The following CHN2 variants were observed in gnomAD, a reference collection of about 807,000 sequenced individuals.
The protein encoded by CHN2 is chimerin 2, also known as beta-chimaerin.
In CHN2, 35 loss-of-function variants were observed where a neutral mutation model predicts 56.3. That is an observed-to-expected ratio of 0.62 (90% confidence interval 0.47 to 0.82). CHN2 has a LOEUF of 0.82. CHN2 is among the 40% of genes least tolerant of loss of function. The pLI, the probability that CHN2 is intolerant of heterozygous loss-of-function variation, is 0.00. For missense variants in CHN2, 491 were observed against 580.5 expected (o/e 0.85, Z 1.58); for synonymous variants, 210 against 212.8 (o/e 0.99, Z 0.12).
chr7:29,166,623 T>C (rs949626620), intron 2 of CHN2, among the ~76,000 whole-genome samples: 1 of 152,220 alleles, frequency 6.6e-6, no homozygotes, highest in African/African-American at 2.4e-5. Flanking sequence ...TTGTCCATTT[T>C]ATCTAAGTTG....
intron 3 of CHN2, among the ~76,000 whole-genome samples, chr7:29,369,494 G>A (rs1323381509): frequency 2.0e-5 from 3 of 152,052 alleles, no homozygotes; most frequent in Non-Finnish European, 4.4e-5. Context: ...TTGGCTATTG[G>A]CATTTTGAAT....
chr7:29,351,571 C>T (rs1186067402), intron 1 of CHN2, among the ~76,000 whole-genome samples: 1 of 152,122 alleles, frequency 6.6e-6, no homozygotes, highest in Non-Finnish European at 1.5e-5. Flanking sequence ...AGGTAGAGCC[C>T]CTGAGTGATG....
At chr7:29,314,192 A>G (rs1794795687) in intron 1 of CHN2, among the ~76,000 whole-genome samples, 1 of 152,236 alleles carries the variant, frequency 6.6e-6, no homozygotes, top group African/African-American at 2.4e-5. Context: ...TCTACATACA[A>G]TAGAATGTTA....
rs140935820 is a variant in CHN2, at chr7:29,401,775, G to T, written c.576+947G>T. ...GGGGGGTAGATTGTGGCAGGAGGCG[G>T]CCAGGGAGATCTGATTTTCCTCTCC... On this transcript the variant is annotated intron_variant, in intron 6 of 12. Coordinates refer to ENST00000222792, the MANE Select transcript of CHN2 (RefSeq NM_004067.4). Among the ~76,000 whole-genome samples the T allele has an allele frequency of 7.4e-4, 112 of 152,318 alleles. 1 individual carries two copies. Among genetic ancestry groups the T allele is most frequent in the African/African-American group, 2.4e-3 (99 of 41,552 alleles).
intron 1 of CHN2, among the ~76,000 whole-genome samples, chr7:29,345,866 T>G (rs1404260524): frequency 6.6e-6 from 1 of 152,114 alleles, no homozygotes; most frequent in East Asian, 1.9e-4. Context: ...GAAAGTCACT[T>G]ACTTCCCTTG....
At chr7:29,276,676 C>T (rs140376057) in intron 1 of CHN2, among the ~76,000 whole-genome samples, 10 of 152,332 alleles carry the variant, frequency 6.6e-5, no homozygotes, top group African/African-American at 2.4e-4. Context: ...TAGCCGTCAT[C>T]ATTAGCATTA....
chr7:29,366,264 G>T (rs1439909653), intron 2 of CHN2, among the ~76,000 whole-genome samples: 1 of 152,130 alleles, frequency 6.6e-6, no homozygotes. Context: ...AGCGTTAGGG[G>T]TGGAGGAGAT....
At chr7:29,279,443 T>C (rs889855383) in intron 1 of CHN2, among the ~76,000 whole-genome samples, 9 of 152,254 alleles carry the variant, frequency 5.9e-5, no homozygotes, top group Admixed American at 4.6e-4. Context: ...TTGGAATGCA[T>C]TTGTTCAACA....
At chr7:29,340,678 A>C (rs559571715) in intron 1 of CHN2, among the ~76,000 whole-genome samples, 18 of 152,306 alleles carry the variant, frequency 1.2e-4, no homozygotes, top group Middle Eastern at 3.4e-3. Context: ...CCAGGGAGAA[A>C]ATATAGGACA....
chr7:29,410,235 G>A (rs1445743631), intron 6 of CHN2, among the ~76,000 whole-genome samples: 5 of 152,020 alleles, frequency 3.3e-5, no homozygotes, highest in African/African-American at 1.2e-4. Flanking sequence ...ATTTTAGTTG[G>A]GCTTAATCGT....
At chr7:29,376,705 C>T (rs1163661150) in intron 3 of CHN2, among the ~76,000 whole-genome samples, 3 of 152,226 alleles carry the variant, frequency 2.0e-5, no homozygotes, top group Non-Finnish European at 1.5e-5. Context: ...TTGCTCAGCA[C>T]TTGTGCTAGA....
At chr7:29,260,687 A>C (rs1789468148) in intron 1 of CHN2, among the ~76,000 whole-genome samples, 2 of 152,064 alleles carry the variant, frequency 1.3e-5, no homozygotes, top group South Asian at 2.1e-4. Flanking sequence ...TCCTCTTACT[A>C]CCTTTAGCCT....
chr7:29,405,213 A>ACACACACACACACACACACC, intron 6 of CHN2, among the ~76,000 whole-genome samples: 1 of 142,070 alleles, frequency 7.0e-6, no homozygotes, highest in Non-Finnish European at 1.5e-5. Flanking sequence ...ACACACACAC[A>ACACACACACACACACACACC]CACACACACG....
intron 6 of CHN2, among the ~76,000 whole-genome samples, chr7:29,434,465 G>A (rs1783079795): frequency 6.6e-6 from 1 of 152,030 alleles, no homozygotes; most frequent in African/African-American, 2.4e-5. Context: ...GGCTCTAGGG[G>A]AGGATCTTCT....
chr7:29,498,699 A>G (rs1256549103), intron 8 of CHN2, among the ~76,000 whole-genome samples: 1 of 150,516 alleles, frequency 6.6e-6, no homozygotes, highest in Non-Finnish European at 1.5e-5. Flanking sequence ...ATCAACTTTG[A>G]ACAACTTCAG....
intron 3 of CHN2, chr7:29,380,614 T>C (rs903637900): frequency 1.3e-5 from 2 of 152,240 alleles, no homozygotes; most frequent in Admixed American, 6.5e-5. Context: ...CACTTTGCCT[T>C]TTCCAAAGTA....
rs565211449 is a variant in CHN2, at chr7:29,202,461, CA to C, written c.49+7473del. On this transcript the variant is annotated intron_variant, in intron 1 of 12. Transcript: ENST00000222792. ...CTCCTTGAACTTCTGTTACCATCCT[CA>C]AGTGCAACAAAATGGGAAGGTGGAA... Among the ~76,000 whole-genome samples, 275 of 152,272 alleles carry C rather than the reference CA, an allele frequency of 1.8e-3. 1 individual carries two copies. The highest frequency in any genetic ancestry group is 6.4e-3 in the African/African-American group (264 of 41,556).
At chr7:29,207,857 T>C (rs1236998546) in intron 1 of CHN2, among the ~76,000 whole-genome samples, 1 of 152,192 alleles carries the variant, frequency 6.6e-6, no homozygotes, top group African/African-American at 2.4e-5. Flanking sequence ...AGACTTAAAT[T>C]TTACACGCTT....
intron 3 of CHN2, among the ~76,000 whole-genome samples, chr7:29,391,550 G>A (rs547139217): frequency 5.9e-5 from 9 of 152,260 alleles, no homozygotes; most frequent in African/African-American, 1.9e-4. Context: ...ACAATTCAGG[G>A]CTCTTCTTTT....
Sources: gnomAD v4.1 joint callset for allele counts (sites outside exome capture counted in the v4.1 genomes callset) on GRCh38, gnomAD v4.1.1 for gene constraint, MANE v1.5 for transcripts, NCBI Gene and HGNC (gene_info 2026-07-23, HGNC 2026-07-21) for gene names.